The following ERC2 variants were observed in gnomAD, a reference collection of about 807,000 sequenced individuals.
The protein encoded by ERC2 is ELKS/RAB6-interacting/CAST family member 2.
In ERC2, 42 loss-of-function variants were observed where a neutral mutation model predicts 114.8. The observed-to-expected ratio is 0.37, with a 90% CI of 0.29 to 0.47. The LOEUF is 0.47. Among genes scored for constraint, ERC2 ranks in the 20% least tolerant of loss-of-function variants. The probability of loss-of-function intolerance (pLI) is 0.99; values close to 1 mark genes in which losing one functional copy is unlikely to be tolerated. For synonymous variants in ERC2, 454 were observed against 425.5 expected (o/e 1.07, Z -0.82); for missense variants, 939 against 1,150.7 (o/e 0.82, Z 2.66).
chr3:56,005,858 A>G (rs1201012046), intron 10 of ERC2, among the ~76,000 whole-genome samples: 1 of 152,102 alleles, frequency 6.6e-6, no homozygotes, highest in Non-Finnish European at 1.5e-5. Context: ...TATGCATATC[A>G]TAGATAATAT....
intron 16 of ERC2, among the ~76,000 whole-genome samples, chr3:55,694,364 G>A (rs536972429): frequency 1.1e-4 from 17 of 152,272 alleles, no homozygotes; most frequent in Non-Finnish European, 1.8e-4. Context: ...AGAGTACCTC[G>A]TAAGGGCCAG....
At chr3:55,632,318 T>G (rs1270917815) in intron 17 of ERC2, among the ~76,000 whole-genome samples, 1 of 152,182 alleles carries the variant, frequency 6.6e-6, no homozygotes. Flanking sequence ...CAGTTGTACC[T>G]GAGAACTAAC....
intron 17 of ERC2, among the ~76,000 whole-genome samples, chr3:55,621,828 A>C (rs2059341642): frequency 6.6e-6 from 1 of 152,132 alleles, no homozygotes; most frequent in Admixed American, 6.6e-5. Context: ...CGTGGATTGG[A>C]GGAGGACATG....
chr3:56,378,046 C>T (rs959895391), intron 2 of ERC2, among the ~76,000 whole-genome samples: 3 of 152,026 alleles, frequency 2.0e-5, no homozygotes, highest in South Asian at 2.1e-4. Flanking sequence ...GCAGATCGCC[C>T]GCCCAGAAGC....
chr3:56,132,641 A>T (rs1472723157), intron 6 of ERC2, among the ~76,000 whole-genome samples: 1 of 151,940 alleles, frequency 6.6e-6, no homozygotes, highest in Non-Finnish European at 1.5e-5. Context: ...CGTCTCAAAA[A>T]AAAAGCATTT....
chr3:56,307,422 T>C (rs994030372), intron 2 of ERC2, among the ~76,000 whole-genome samples: 1 of 152,212 alleles, frequency 6.6e-6, no homozygotes, highest in South Asian at 2.1e-4. Context: ...GTCTCTCAAT[T>C]ACCAGAGCTC....
At chr3:56,427,448 G>A (rs1452723569) in intron 2 of ERC2, among the ~76,000 whole-genome samples, 1 of 152,172 alleles carries the variant, frequency 6.6e-6, no homozygotes, top group Non-Finnish European at 1.5e-5. Context: ...TTAACTGAAA[G>A]AGAGCATTTC....
intron 13 of ERC2, among the ~76,000 whole-genome samples, chr3:55,897,413 A>T (rs914135754): frequency 6.6e-6 from 1 of 152,250 alleles, no homozygotes; most frequent in Non-Finnish European, 1.5e-5. Context: ...TTTCAAAAAC[A>T]GACAGGCTCT....
chr3:55,537,456 T>C lies in ERC2; in HGVS notation c.*40-26180A>G, dbSNP rs780058590. Among the ~76,000 whole-genome samples, 111 of 152,280 alleles carry C rather than the reference T, an allele frequency of 7.3e-4. 1 individual carries two copies. Among genetic ancestry groups the C allele is most frequent in the Admixed American group, 1.4e-3 (22 of 15,300 alleles). On this transcript the variant is annotated intron_variant, in intron 17 of 17. Transcript: ENST00000288221. The stretch of plus-strand genomic sequence containing the variant: ...GTTTTTCATTCAAAGGTCAGTTGAG[T>C]AAATGTTATAGTCAGCTAGCTGATT...
At chr3:55,673,777 T>C (rs1316792158) in intron 17 of ERC2, among the ~76,000 whole-genome samples, 1 of 148,946 alleles carries the variant, frequency 6.7e-6, no homozygotes, top group Non-Finnish European at 1.5e-5. Context: ...CGTGGGCCAA[T>C]GGGGAGACTC....
At chr3:56,087,134 C>T (rs1182909369) in intron 6 of ERC2, among the ~76,000 whole-genome samples, 3 of 151,714 alleles carry the variant, frequency 2.0e-5, no homozygotes, top group African/African-American at 7.3e-5. Flanking sequence ...AAAACTAGGA[C>T]AATCTTTCCA....
intron 7 of ERC2, among the ~76,000 whole-genome samples, chr3:56,059,895 A>G (rs1344858554): frequency 6.6e-6 from 1 of 152,184 alleles, no homozygotes; most frequent in African/African-American, 2.4e-5. Flanking sequence ...TAGAGGTTAT[A>G]TTGACTTTCC....
In ERC2 at chr3:55,707,043, C is replaced by T. The variant is rs185001977; in HGVS notation, c.2713-7531G>A. ...GCATAAACCAAACACCATAGATAGA[C>T]AGACAGATGCTGATCTACTGCTCCT... On this transcript the variant is annotated intron_variant, in intron 15 of 17. Transcript: ENST00000288221. Among the ~76,000 whole-genome samples, 788 of 152,312 alleles carry T rather than the reference C, an allele frequency of 5.2e-3. 10 individuals carry two copies. The highest frequency in any genetic ancestry group is 0.018 in the African/African-American group (737 of 41,560).
chr3:56,372,517 C>A (rs1387166155), intron 2 of ERC2, among the ~76,000 whole-genome samples: 1 of 152,076 alleles, frequency 6.6e-6, no homozygotes, highest in African/African-American at 2.4e-5. Flanking sequence ...CGCTTGAGCC[C>A]AGGAGTACAA....
intron 12 of ERC2, among the ~76,000 whole-genome samples, chr3:55,952,161 ACACACACACACACACACACTCTCTCTCT>A (rs1453196523): frequency 7.5e-5 from 5 of 66,854 alleles, no homozygotes; most frequent in African/African-American, 2.4e-4. Context: ...ACACACACAC[ACACACACACACACACACACTCTCTCTCT>A]CTCTCTCTCT....
At chr3:55,889,878 A>C (rs1046590566) in intron 13 of ERC2, among the ~76,000 whole-genome samples, 2 of 152,204 alleles carry the variant, frequency 1.3e-5, no homozygotes, top group African/African-American at 4.8e-5. Flanking sequence ...GTTTTACATG[A>C]AATTTATTCA....
intron 1 of ERC2, among the ~76,000 whole-genome samples, chr3:56,462,556 T>G (rs2063359817): frequency 6.6e-6 from 1 of 152,166 alleles, no homozygotes; most frequent in Admixed American, 6.5e-5. Flanking sequence ...TAATCCAGCC[T>G]AATTTTCCAA....
At chr3:56,259,085 T>G (rs1026219365) in intron 3 of ERC2, among the ~76,000 whole-genome samples, 5 of 151,876 alleles carry the variant, frequency 3.3e-5, no homozygotes, top group Non-Finnish European at 7.4e-5. Context: ...GTGATTCTCC[T>G]GCCTCAGCCT....
intron 4 of ERC2, among the ~76,000 whole-genome samples, chr3:56,158,940 T>G (rs984279847): frequency 6.6e-6 from 1 of 152,132 alleles, no homozygotes; most frequent in African/African-American, 2.4e-5. Flanking sequence ...TCAATTGTAA[T>G]CCCCAATGTT....
Sources: gnomAD v4.1 joint callset for allele counts (sites outside exome capture counted in the v4.1 genomes callset) on GRCh38, gnomAD v4.1.1 for gene constraint, MANE v1.5 for transcripts, NCBI Gene and HGNC (gene_info 2026-07-23, HGNC 2026-07-21) for gene names.